Variants in MDN1 observed in about 807,000 individuals in gnomAD.
MDN1 encodes the protein midasin AAA ATPase 1, also known as midasin.
Under a neutral mutation model 669.2 loss-of-function variants are expected in MDN1, and 266 were observed. That is an observed-to-expected ratio of 0.40 (90% CI 0.36 to 0.44). The LOEUF is 0.44. MDN1 is among the 20% of genes least tolerant of loss of function. MDN1 has a pLI of 1.00. For synonymous variants in MDN1, 2,385 were observed against 2,457.1 expected, an observed-to-expected ratio of 0.97 and a Z score of 0.87; for missense variants, 5,940 against 6,754.0, an observed-to-expected ratio of 0.88 and a Z score of 4.22.
chr6:89,705,908 G>T, intron 53 of MDN1, 151 bp downstream of exon 53: 1 of 589,210 alleles, frequency 1.7e-6, no homozygotes, highest in Non-Finnish European at 2.8e-6. Flanking sequence ...TTTTAAATAT[G>T]TGTATAGGTA....
chr6:89,673,955 C>CA, intron 79 of MDN1, 149 bp downstream of exon 79: 16 of 702,612 alleles, frequency 2.3e-5, no homozygotes, highest in Non-Finnish European at 3.1e-5. Flanking sequence ...CACCCCACCC[C>CA]ATCCCCCAAA....
At position 89,794,781 on chromosome 6, in the gene MDN1, T is replaced by A; in HGVS notation, c.350A>T (p.Lys117Met). The change falls in exon 3 of 102, where the codon AAG becomes ATG. Residue 117 changes from lysine (K) to methionine (M), a missense_variant. Lys to Met is a moderately conservative substitution (Grantham distance 95). Transcript: ENST00000369393. ...DVLPFALRYF[K>M]DTSPVFQRLF... is the part of the protein sequence containing the mutation. ...TCTTTGAAAGACTGGGGATGTGTCC[T>A]TGAAATATCTCAGGGCAAACCTTCA... 2.5e-6 allele frequency: 4 copies of A among 1,614,136 alleles called. No individual in the cohort carries two copies. Among genetic ancestry groups the A allele is most frequent in the Non-Finnish European group, 3.4e-6 (4 of 1,179,960 alleles).
intron 88 of MDN1, 107 bp downstream of exon 88, chr6:89,661,324 C>T (rs899622316): frequency 1.2e-5 from 16 of 1,296,230 alleles, no homozygotes; most frequent in Admixed American, 2.3e-5. Context: ...GCCTACCAAA[C>T]GTGATTTATC....
chr6:89,706,199 G>A lies in MDN1; in HGVS notation c.8015-7C>T. The A allele has an allele frequency of 6.2e-7, 1 of 1,604,402 alleles. No homozygotes were observed. The highest frequency in any genetic ancestry group is 8.5e-7 in the Non-Finnish European group (1 of 1,175,858). On this transcript the variant is annotated splice_region_variant and splice_polypyrimidine_tract_variant and intron_variant, in intron 52 of 101. Coordinates refer to ENST00000369393, the MANE Select transcript of MDN1 (RefSeq NM_014611.3). The stretch of plus-strand genomic sequence containing the variant: ...GTGTGATAGCTTTCTGGATCTGAGA[G>A]TCAACATAAATAAAATGAGAACATT...
Position 89,710,781 on chromosome 6 carries a change from A to C in MDN1, c.7665T>G (p.Ile2555Met). The change falls in exon 50 of 102, where the codon ATT becomes ATG. Residue 2555 changes from isoleucine to methionine, a missense_variant. Physicochemically the swap from Ile to Met is conservative, Grantham distance 10. Transcript: ENST00000369393. Reference sequence around the variant, plus strand: ...GAGATGCAGCACTGGCTTCCAAATGAATTTGTATGGACTCTGTGGAGGAAG... The same window carrying C: ...GAGATGCAGCACTGGCTTCCAAATGCATTTGTATGGACTCTGTGGAGGAAG... The part of the protein sequence containing the change: ...NIPQGLESIQ[I>M]HLEASAASLR... 1 of 1,598,738 alleles carries C rather than the reference A, an allele frequency of 6.3e-7. No individual in the cohort carries two copies. The highest frequency in any genetic ancestry group is 8.5e-7 in the Non-Finnish European group (1 of 1,170,780).
chr6:89,802,661 C>T (rs1005298370), intron 2 of MDN1, among the ~76,000 whole-genome samples: 1 of 151,810 alleles, frequency 6.6e-6, no homozygotes, highest in Non-Finnish European at 1.5e-5. Context: ...TGCACTCTAG[C>T]CTGGTGATAG....
intron 1 of MDN1, among the ~76,000 whole-genome samples, chr6:89,816,557 T>G (rs1161027189): frequency 6.6e-6 from 1 of 152,000 alleles, no homozygotes; most frequent in African/African-American, 2.4e-5. Context: ...AGATCCTATC[T>G]CTTTAAAAAA....
chr6:89,672,120 C>G, intron 82 of MDN1, 80 bp downstream of exon 82: 1 of 1,415,620 alleles, frequency 7.1e-7, no homozygotes, highest in African/African-American at 1.5e-5. Context: ...CACTTATCTA[C>G]GTGGAGGGAA....
chr6:89,731,800 C>A (rs1166320379), intron 34 of MDN1, among the ~76,000 whole-genome samples: 73 of 3,090 alleles, frequency 0.024, 1 homozygote, highest in African/African-American at 0.074. Context: ...ATAGTACCGC[C>A]CCCCCCCCCC....
chr6:89,754,484 A>G lies in MDN1; in HGVS notation c.2817-254T>C, dbSNP rs144342722. On this transcript the variant is annotated intron_variant, in intron 20 of 101. Coordinates refer to ENST00000369393, the MANE Select transcript of MDN1 (RefSeq NM_014611.3). ...GGGAAGTGCAATGTGCAATTCCTCT[A>G]GCAAAAAGGTACTGATAAAGAGAGG... is the stretch of plus-strand genomic sequence containing the variant. Among the ~76,000 whole-genome samples, 556 of 152,334 alleles carry G rather than the reference A, an allele frequency of 3.6e-3. 2 individuals are homozygous for G. The highest frequency in any genetic ancestry group is 0.013 in the African/African-American group (528 of 41,586).
chr6:89,650,031 G>C lies in MDN1; in HGVS notation c.16199C>G (p.Thr5400Ser), dbSNP rs757848323. ...TGCATTTCTCTTCCTTACCTGCTTG[G>C]TATGATTGTCTACCATACTAGAAGA... Reference protein sequence around the residue: ...DDSSSMVDNHTKQLAFESLAV... With the variant: ...DDSSSMVDNHSKQLAFESLAV... The change falls in exon 97 of 102, where the codon ACC (threonine) becomes AGC (serine). Residue 5400 changes from threonine (T) to serine (S), a missense_variant. Transcript: ENST00000369393. 5.6e-6 allele frequency: 9 copies of C among 1,613,844 alleles called. No individual in the cohort carries two copies. Among genetic ancestry groups the C allele is most frequent in the Non-Finnish European group, 7.6e-6 (9 of 1,179,982 alleles).
chr6:89,765,221 C>T (rs1288666172), intron 15 of MDN1, among the ~76,000 whole-genome samples: 2 of 151,584 alleles, frequency 1.3e-5, no homozygotes, highest in East Asian at 3.9e-4. Context: ...CGTGCCACTG[C>T]ACTCCAGCCT....
intron 32 of MDN1, 41 bp downstream of exon 32, chr6:89,740,193 G>A (rs761446859): frequency 6.2e-6 from 10 of 1,603,366 alleles, no homozygotes; most frequent in East Asian, 4.5e-5. Flanking sequence ...GTAAGCTGAG[G>A]TCAAAACCTA....
intron 1 of MDN1, among the ~76,000 whole-genome samples, chr6:89,808,440 A>G (rs1768154917): frequency 6.6e-6 from 1 of 152,100 alleles, no homozygotes; most frequent in Non-Finnish European, 1.5e-5. Flanking sequence ...TGGGTTCCAC[A>G]CTAATTATGC....
chr6:89,679,666 G>A (rs543477095), intron 74 of MDN1, among the ~76,000 whole-genome samples: 255 of 152,302 alleles, frequency 1.7e-3, no homozygotes, highest in Non-Finnish European at 2.7e-3. Context: ...AAGGAGAGAG[G>A]CTTCAGAAGT....
intron 15 of MDN1, among the ~76,000 whole-genome samples, chr6:89,770,336 G>A (rs910780316): frequency 6.6e-6 from 1 of 151,064 alleles, no homozygotes; most frequent in African/African-American, 2.4e-5. Flanking sequence ...CGTGGGAGCC[G>A]GAGGTTGCAG....
At chr6:89,682,351 A>G (rs150705245) in intron 73 of MDN1, among the ~76,000 whole-genome samples, 154 of 152,320 alleles carry the variant, frequency 1.0e-3, no homozygotes, top group African/African-American at 3.5e-3. Flanking sequence ...AGCAAGGCCA[A>G]GTGCGATGAC....
chr6:89,698,773 A>G (rs1258927246), intron 59 of MDN1, 92 bp downstream of exon 59: 2 of 1,311,746 alleles, frequency 1.5e-6, no homozygotes, highest in Non-Finnish European at 2.2e-6. Flanking sequence ...TTTAGTCACC[A>G]CTCTATGCTA....
At chr6:89,798,562 G>A (rs1481273297) in intron 2 of MDN1, among the ~76,000 whole-genome samples, 2 of 151,714 alleles carry the variant, frequency 1.3e-5, no homozygotes, top group Non-Finnish European at 2.9e-5. Flanking sequence ...GTTTATGTAT[G>A]AGTAGCAAGT....
Sources: gnomAD v4.1 joint callset for allele counts (sites outside exome capture counted in the v4.1 genomes callset) on GRCh38, gnomAD v4.1.1 for gene constraint, MANE v1.5 for transcripts, NCBI Gene and HGNC (gene_info 2026-07-23, HGNC 2026-07-21) for gene names.